HS3ST3B1: variants seen among roughly 807,000 people sequenced by gnomAD.
The protein encoded by HS3ST3B1 is heparan sulfate-glucosamine 3-sulfotransferase 3B1.
In HS3ST3B1, 13 loss-of-function variants were observed where a neutral mutation model predicts 21.3. That is an observed-to-expected ratio of 0.61 (90% CI 0.40 to 0.97). HS3ST3B1 has a LOEUF of 0.97. Ranked by LOEUF, HS3ST3B1 falls within the 50% of genes least tolerant of loss-of-function variation. The probability of loss-of-function intolerance (pLI) is 0.00; values close to 1 mark genes in which losing one functional copy is unlikely to be tolerated. For missense variants in HS3ST3B1, 459 were observed against 554.8 expected, an observed-to-expected ratio of 0.83 and a Z score of 1.73; for synonymous variants, 234 against 254.8, an observed-to-expected ratio of 0.92 and a Z score of 0.78.
chr17:14,341,868 A>G (rs1910394844), intron 1 of HS3ST3B1, among the ~76,000 whole-genome samples: 1 of 152,234 alleles, frequency 6.6e-6, no homozygotes, highest in Non-Finnish European at 1.5e-5. Flanking sequence ...TTTTAGTCAA[A>G]TGCAAAATAA....
In HS3ST3B1 at chr17:14,345,207, G is replaced by C; in HGVS notation, c.734G>C (p.Arg245Pro). 9 of 1,487,088 alleles carry C rather than the reference G, an allele frequency of 6.1e-6. No homozygotes were observed. Among genetic ancestry groups the C allele is most frequent in the Non-Finnish European group, 8.3e-6 (9 of 1,080,418 alleles). The allele number at this position is 1,487,088 out of a possible 1,614,324, so 92.1% of individuals were successfully genotyped here. Residue 245 changes from arginine (R) to proline (P), a missense_variant, in exon 2 of 2, where the codon CGG (arginine) becomes CCG (proline). Around this residue, in one of 3 missense-constraint regions of HS3ST3B1, gnomAD observed 127 missense variants for 209.9 expected, o/e 0.60. Transcript: ENST00000360954. ...ISDYTQTLSK[R>P]PDIPTFESLT... Reference sequence around the variant, plus strand: ...GACTACACGCAGACGCTGTCCAAGCGGCCCGACATCCCCACCTTCGAGAGC... The same window carrying C: ...GACTACACGCAGACGCTGTCCAAGCCGCCCGACATCCCCACCTTCGAGAGC...
At chr17:14,340,001 G>A (rs527550414) in intron 1 of HS3ST3B1, among the ~76,000 whole-genome samples, 33 of 152,280 alleles carry the variant, frequency 2.2e-4, no homozygotes, top group African/African-American at 5.5e-4. Context: ...CCAGGACTGC[G>A]CGGTTGTAGG....
chr17:14,301,588 C>T lies in HS3ST3B1; in HGVS notation c.70C>T (p.Pro24Ser). The T allele has an allele frequency of 6.2e-7, 1 of 1,600,916 alleles. No homozygotes were observed. Among genetic ancestry groups the T allele is most frequent in the Non-Finnish European group, 8.5e-7 (1 of 1,178,188 alleles). Residue 24 changes from proline to serine, a missense_variant, in exon 1 of 2, where the codon CCG becomes TCG. Pro to Ser is a moderately conservative substitution (Grantham distance 74). This residue lies in a region of HS3ST3B1 where 317 missense variants were observed against 278.6 expected (regional missense o/e 1.14). Transcript: ENST00000360954. ...CGGCCGGCTCCTACCGCAGCCGCCG[C>T]CGCCCCCGCCGCCGGTGAGGAGGAA... ...VPGRLLPQPP[P>S]PPPPVRRKLA...
In HS3ST3B1 at chr17:14,349,108, C is replaced by T. The variant is rs950587492; in HGVS notation, c.*3462C>T. The T allele has an allele frequency of 3.9e-5, 6 of 152,154 alleles. 1 individual carries two copies. The highest frequency in any genetic ancestry group is 8.8e-5 in the Non-Finnish European group (6 of 68,028). The allele number at this position is 152,154 out of a possible 1,614,324, so 9.4% of individuals were successfully genotyped here. On this transcript the variant is annotated 3_prime_UTR_variant, in exon 2 of 2. Coordinates refer to ENST00000360954, the MANE Select transcript of HS3ST3B1 (RefSeq NM_006041.3). ...AAGCTAATGTGACTTTTCAGCTTAT[C>T]AAGAGGATGGCCAATAAAACTTAAA...
chr17:14,306,727 A>G (rs927832496), intron 1 of HS3ST3B1, among the ~76,000 whole-genome samples: 1 of 152,252 alleles, frequency 6.6e-6, no homozygotes. Flanking sequence ...GAAATTTAAG[A>G]TAAGATCTGG....
intron 1 of HS3ST3B1, among the ~76,000 whole-genome samples, chr17:14,334,293 ATTTTT>A (rs907106636): frequency 1.4e-5 from 2 of 147,790 alleles, no homozygotes; most frequent in Non-Finnish European, 3.0e-5. Context: ...AATTGACTTT[ATTTTT>A]AAGAGCATTT....
Position 14,301,283 on chromosome 17 carries a change from A to T in HS3ST3B1, c.-236A>T. ...TCGCCCAGCAGTTACCGCCGTCCCGACTTTCCGTTCCAGTTGCAGCTCCTG... is the reference window on the plus strand; with the variant it reads ...TCGCCCAGCAGTTACCGCCGTCCCGTCTTTCCGTTCCAGTTGCAGCTCCTG... On this transcript the variant is annotated 5_prime_UTR_variant, in exon 1 of 2. Transcript: ENST00000360954. The T allele has an allele frequency of 4.1e-6, 2 of 491,638 alleles. No individual in the cohort carries two copies. The highest frequency in any genetic ancestry group is 7.1e-6 in the Non-Finnish European group (2 of 282,546). 30.5% of individuals were successfully genotyped at this position (491,638 alleles called of 1,614,324 possible).
At chr17:14,312,346 G>A (rs1909332973) in intron 1 of HS3ST3B1, among the ~76,000 whole-genome samples, 1 of 152,282 alleles carries the variant, frequency 6.6e-6, no homozygotes. Context: ...ATAACTTGGA[G>A]GCTGTCTACC....
intron 1 of HS3ST3B1, among the ~76,000 whole-genome samples, chr17:14,311,369 A>G (rs1378041825): frequency 1.3e-5 from 2 of 152,104 alleles, no homozygotes; most frequent in Admixed American, 1.3e-4. Flanking sequence ...GTGAGCCACC[A>G]CGCCAGACCC....
At position 14,345,560 on chromosome 17, in the gene HS3ST3B1, G is replaced by C. The variant is rs9906590; in HGVS notation, c.1087G>C (p.Glu363Gln). Residue 363 changes from glutamate (E) to glutamine (Q), a missense_variant, in exon 2 of 2, where the codon GAG becomes CAG. Coordinates refer to ENST00000360954, the MANE Select transcript of HS3ST3B1 (RefSeq NM_006041.3). Reference protein sequence around the residue: ...KGRTHPEIDREVVRRLREFYR... With the variant: ...KGRTHPEIDRQVVRRLREFYR... Reference sequence around the variant, plus strand: ...CAGGACCCATCCTGAGATCGACCGCGAGGTGGTGCGCAGGCTGCGCGAGTT... The same window carrying C: ...CAGGACCCATCCTGAGATCGACCGCCAGGTGGTGCGCAGGCTGCGCGAGTT... 6.3e-7 allele frequency: 1 copy of C among 1,585,218 alleles called. No individual in the cohort carries two copies.
At chr17:14,321,754 G>C (rs9890648) in intron 1 of HS3ST3B1, among the ~76,000 whole-genome samples, 3 of 152,042 alleles carry the variant, frequency 2.0e-5, no homozygotes, top group Non-Finnish European at 4.4e-5. Flanking sequence ...AATTGGGAAC[G>C]AGGAATGAGG....
intron 1 of HS3ST3B1, among the ~76,000 whole-genome samples, chr17:14,331,504 T>G (rs1910010340): frequency 6.6e-6 from 1 of 151,994 alleles, no homozygotes; most frequent in Non-Finnish European, 1.5e-5. Flanking sequence ...GGCCAAATCC[T>G]TGTGGTGGGG....
chr17:14,312,591 C>T (rs527665060), intron 1 of HS3ST3B1, among the ~76,000 whole-genome samples: 1 of 152,244 alleles, frequency 6.6e-6, no homozygotes, highest in East Asian at 1.9e-4. Context: ...ATCCGTGTGC[C>T]AACCCAGCAC....
intron 1 of HS3ST3B1, among the ~76,000 whole-genome samples, chr17:14,315,773 A>G (rs552851507): frequency 5.5e-4 from 83 of 151,696 alleles, no homozygotes; most frequent in African/African-American, 2.0e-3. Context: ...GTGAGCTGAG[A>G]TTGCACCATT....
At chr17:14,341,221 G>A (rs1391765094) in intron 1 of HS3ST3B1, among the ~76,000 whole-genome samples, 2 of 152,184 alleles carry the variant, frequency 1.3e-5, no homozygotes, top group Admixed American at 6.5e-5. Context: ...CCCTTCTCTA[G>A]GGCCAGTGAG....
chr17:14,301,485 G>T lies in HS3ST3B1; in HGVS notation c.-34G>T, dbSNP rs1362997486. 1 of 1,461,358 alleles carries T rather than the reference G, an allele frequency of 6.8e-7. No individual in the cohort carries two copies. Among genetic ancestry groups the T allele is most frequent in the Non-Finnish European group, 9.0e-7 (1 of 1,114,620 alleles). 90.5% of individuals were successfully genotyped at this position (1,461,358 alleles called of 1,614,324 possible). On this transcript the variant is annotated 5_prime_UTR_variant, in exon 1 of 2. An upstream open reading frame in the 5' UTR loses its in-frame stop. Transcript: ENST00000360954. ...CCCGGCGGGACCCACGCCATGTGCT[G>T]AGCCATGTCCCTGGCCGCGCCCGCG...
At chr17:14,325,394 T>G (rs1909778128) in intron 1 of HS3ST3B1, among the ~76,000 whole-genome samples, 2 of 152,220 alleles carry the variant, frequency 1.3e-5, no homozygotes, top group Non-Finnish European at 2.9e-5. Flanking sequence ...GAATACAAAT[T>G]TACTTGGACT....
chr17:14,316,037 T>A (rs954630883), intron 1 of HS3ST3B1, among the ~76,000 whole-genome samples: 13 of 152,212 alleles, frequency 8.5e-5, no homozygotes, highest in African/African-American at 3.1e-4. Context: ...TCTATCCAGA[T>A]GCCAGCTTGG....
At chr17:14,311,165 C>A (rs1478970238) in intron 1 of HS3ST3B1, among the ~76,000 whole-genome samples, 1 of 150,384 alleles carries the variant, frequency 6.6e-6, no homozygotes, top group Non-Finnish European at 1.5e-5. Flanking sequence ...ACCTCCTGGG[C>A]TCAAGCGATC....
Sources: allele counts gnomAD v4.1 joint callset (sites outside exome capture counted in the v4.1 genomes callset), GRCh38; gene constraint gnomAD v4.1.1; regional missense constraint gnomAD v4.1.1; transcripts MANE v1.5; gene names NCBI Gene and HGNC (gene_info 2026-07-23, HGNC 2026-07-21).